SLAIN2: variants seen among roughly 807,000 people sequenced by gnomAD.
The protein encoded by SLAIN2 is SLAIN family member 2.
SLAIN2 carries 31 observed loss-of-function variants against 56.6 expected under a neutral mutation model. The observed-to-expected ratio is 0.55, with a 90% CI of 0.41 to 0.74. SLAIN2 has a LOEUF of 0.74. SLAIN2 is among the 30% of genes least tolerant of loss of function. SLAIN2 has a pLI of 0.00. For missense variants in SLAIN2, 777 were observed against 754.2 expected (o/e 1.03, Z -0.35); for synonymous variants, 317 against 284.9 (o/e 1.11, Z -1.13).
chr4:48,353,794 G>C (rs1715080659), intron 1 of SLAIN2, among the ~76,000 whole-genome samples: 1 of 152,156 alleles, frequency 6.6e-6, no homozygotes, highest in African/African-American at 2.4e-5. Context: ...GGAGAAAACA[G>C]TTAAGATTAT....
Position 48,420,395 on chromosome 4 carries a change from C to T in SLAIN2, c.1631C>T (p.Ala544Val), listed in dbSNP as rs1717117732. 1 of 1,614,004 alleles carries T rather than the reference C, an allele frequency of 6.2e-7. No homozygotes were observed. Among genetic ancestry groups the T allele is most frequent in the Admixed American group, 1.7e-5 (1 of 60,026 alleles). ...SGLPRPSAPS[A>V]GGIPVPRSKL... is the part of the protein sequence containing the mutation. ...TTGCCCAGACCCAGTGCCCCTTCTGCTGGGGGCATACCAGTGCCTCGCAGC... is the reference window on the plus strand; with the variant it reads ...TTGCCCAGACCCAGTGCCCCTTCTGTTGGGGGCATACCAGTGCCTCGCAGC... Residue 544 changes from alanine to valine, a missense_variant, in exon 7 of 8, where the codon GCT becomes GTT. Coordinates refer to ENST00000264313, the MANE Select transcript of SLAIN2 (RefSeq NM_020846.2).
In SLAIN2 at chr4:48,379,716, C is replaced by A; in HGVS notation, c.730C>A (p.Pro244Thr). The A allele has an allele frequency of 6.8e-7, 1 of 1,465,206 alleles. No homozygotes were observed. Among genetic ancestry groups the A allele is most frequent in the Non-Finnish European group, 9.0e-7 (1 of 1,108,868 alleles). 90.8% of individuals were successfully genotyped at this position (1,465,206 alleles called of 1,614,324 possible). A position where few individuals can be genotyped will look rare whatever the true frequency, so the allele number is the denominator to read the frequency against. The change falls in exon 4 of 8, where the codon CCT becomes ACT. Residue 244 changes from proline to threonine, a missense_variant. Physicochemically the swap from Pro to Thr is conservative, Grantham distance 38. Transcript: ENST00000264313. ...SGNLKSSDRN[P>T]PLSPQSSIDS... ...TAACTTGAAAAGCTCAGACAGAAAT[C>A]CTCCACTCAGTCCTCAGTCCTCTAT...
In SLAIN2 at chr4:48,396,798, C is replaced by T. The variant is rs528982445; in HGVS notation, c.1360+13014C>T. ...GATCATGGGAGGAGGAAAAAGATTA[C>T]TTAACAATTGGAAATATAGTCACTT... On this transcript the variant is annotated intron_variant, in intron 6 of 7. Coordinates refer to ENST00000264313, the MANE Select transcript of SLAIN2 (RefSeq NM_020846.2). Among the ~76,000 whole-genome samples the T allele has an allele frequency of 3.2e-4, 48 of 152,232 alleles. 1 individual carries two copies. The South Asian group carries it at 9.7e-3, about 31-fold the overall frequency.
Position 48,412,837 on chromosome 4 carries a change from A to G in SLAIN2, c.1361-7288A>G, listed in dbSNP as rs909782147. Among the ~76,000 whole-genome samples the G allele has an allele frequency of 2.6e-5, 4 of 152,158 alleles. No homozygotes were observed. In the East Asian group the frequency reaches 7.7e-4, roughly 29 times the overall value. On this transcript the variant is annotated intron_variant, in intron 6 of 7. Transcript: ENST00000264313. Reference sequence around the variant, plus strand: ...TTATGGTTACTTGTCAGCAATTGCCATTTTTATATGCTTTGGAGTCATACC... The same window carrying G: ...TTATGGTTACTTGTCAGCAATTGCCGTTTTTATATGCTTTGGAGTCATACC...
At chr4:48,407,000 A>T (rs1017210302) in intron 6 of SLAIN2, among the ~76,000 whole-genome samples, 1 of 152,108 alleles carries the variant, frequency 6.6e-6, no homozygotes, top group African/African-American at 2.4e-5. Flanking sequence ...TGATTTTCCC[A>T]GATTCGGGGT....
Position 48,420,289 on chromosome 4 carries a change from A to ACAGTCT in SLAIN2, c.1529_1534dup (p.Val510_Ser511dup). 6.2e-7 allele frequency: 1 copy of ACAGTCT among 1,613,974 alleles called. No individual in the cohort carries two copies. Among genetic ancestry groups the ACAGTCT allele is most frequent in the East Asian group, 2.2e-5 (1 of 44,874 alleles). ...ACCTGGGCCTCCTATGGTTCAGAGCACAGTCTCAGCAAATCCTCCCAGCAA... is the reference window on the plus strand; with the variant it reads ...ACCTGGGCCTCCTATGGTTCAGAGCACAGTCTCAGTCTCAGCAAATCCTCCCAGCAA... On this transcript the variant is annotated inframe_insertion, in exon 7 of 8. Coordinates refer to ENST00000264313, the MANE Select transcript of SLAIN2 (RefSeq NM_020846.2).
Position 48,369,974 on chromosome 4 carries a change from A to T in SLAIN2, c.515A>T (p.His172Leu). ...GAGTGTGCTAAAAAATCTCTTATCC[A>T]CAAACTTGATCAAACTATGTCAGGT... ...DVECAKKSLI[H>L]KLDQTMSALK... Residue 172 changes from histidine to leucine, a missense_variant, in exon 2 of 8, where the codon CAC becomes CTC. His to Leu is a moderately conservative substitution (Grantham distance 99, BLOSUM62 -3). Transcript: ENST00000264313. 3.1e-6 allele frequency: 5 copies of T among 1,613,690 alleles called. No individual in the cohort carries two copies. Among genetic ancestry groups the T allele is most frequent in the Non-Finnish European group, 4.2e-6 (5 of 1,179,688 alleles).
At chr4:48,361,786 T>A (rs918475754) in intron 1 of SLAIN2, among the ~76,000 whole-genome samples, 3 of 151,752 alleles carry the variant, frequency 2.0e-5, no homozygotes, top group Non-Finnish European at 4.4e-5. Context: ...TTGTCAGTCT[T>A]ATGTTCAGAT....
At chr4:48,354,498 G>T (rs376006693) in intron 1 of SLAIN2, among the ~76,000 whole-genome samples, 20 of 151,692 alleles carry the variant, frequency 1.3e-4, no homozygotes, top group African/African-American at 4.4e-4. Context: ...GCTGAGTCTC[G>T]CTGTGTTGCC....
intron 6 of SLAIN2, among the ~76,000 whole-genome samples, chr4:48,386,062 C>G (rs1282581250): frequency 7.3e-6 from 1 of 136,606 alleles, no homozygotes; most frequent in African/African-American, 2.7e-5. Flanking sequence ...GAGCCATGAT[C>G]ATGCTGCTGC....
Position 48,341,614 on chromosome 4 carries a change from C to T in SLAIN2, c.-126C>T. The T allele has an allele frequency of 7.3e-7, 1 of 1,373,004 alleles. No individual in the cohort carries two copies. The highest frequency in any genetic ancestry group is 3.0e-5 in the East Asian group (1 of 32,958). The allele number at this position is 1,373,004 out of a possible 1,614,324, so 85.1% of individuals were successfully genotyped here. ...AGGTGGGGGGACCCTGGCGGTGGGG[C>T]CTGGTCCTGCTATATGCCGGCGCCT... On this transcript the variant is annotated 5_prime_UTR_variant, in exon 1 of 8. Transcript: ENST00000264313.
Position 48,342,105 on chromosome 4 carries a change from C to A in SLAIN2, c.366C>A (p.Gly122=). ...CCGACGAGCTGGAGCGCCTGTCAGG[C>A]TGGGAGGAGGAGGAGGAGAGCTGGT... ...LRPDELERLS[G]WEEEEESWLY... is the part of the protein sequence containing the mutation. The change falls in exon 1 of 8, where the codon GGC becomes GGA. Residue 122 remains glycine (G), a synonymous_variant. Transcript: ENST00000264313. The A allele has an allele frequency of 7.3e-7, 1 of 1,365,386 alleles. No homozygotes were observed. Among genetic ancestry groups the A allele is most frequent in the Non-Finnish European group, 9.4e-7 (1 of 1,066,384 alleles). 84.6% of individuals were successfully genotyped at this position (1,365,386 alleles called of 1,614,324 possible).
intron 6 of SLAIN2, among the ~76,000 whole-genome samples, chr4:48,408,331 A>G (rs1560464756): frequency 6.6e-6 from 1 of 152,068 alleles, no homozygotes; most frequent in Non-Finnish European, 1.5e-5. Context: ...CCCTATCTCA[A>G]AAAATCTAAA....
intron 6 of SLAIN2, among the ~76,000 whole-genome samples, chr4:48,397,148 C>A (rs1479401438): frequency 6.6e-6 from 1 of 152,126 alleles, no homozygotes; most frequent in East Asian, 1.9e-4. Flanking sequence ...AGAGACCTCA[C>A]CAAGCCAGCG....
In SLAIN2 at chr4:48,422,022, C is replaced by T. The variant is rs1020685191; in HGVS notation, c.1691C>T (p.Ala564Val). 1.9e-6 allele frequency: 3 copies of T among 1,609,172 alleles called. No homozygotes were observed. Among genetic ancestry groups the T allele is most frequent in the Non-Finnish European group, 2.5e-6 (3 of 1,177,774 alleles). Reference sequence around the variant, plus strand: ...TTGCTTTATTACAGATCCTTGCCAGCTCCTAAAACCTATGGTAGCATGAAA... The same window carrying T: ...TTGCTTTATTACAGATCCTTGCCAGTTCCTAAAACCTATGGTAGCATGAAA... Reference protein sequence around the residue: ...LAQPVRRSLPAPKTYGSMKDD... With the variant: ...LAQPVRRSLPVPKTYGSMKDD... Residue 564 changes from alanine to valine, a missense_variant, in exon 8 of 8, where the codon GCT becomes GTT. Transcript: ENST00000264313.
At position 48,425,454 on chromosome 4, in the gene SLAIN2, C is replaced by T. The variant is rs1008214408; in HGVS notation, c.*3377C>T. 6.6e-6 allele frequency: 1 copy of T among 151,952 alleles called. No individual in the cohort carries two copies. The highest frequency in any genetic ancestry group is 2.4e-5 in the African/African-American group (1 of 41,364). The allele number at this position is 151,952 out of a possible 1,614,324, so 9.4% of individuals were successfully genotyped here. On this transcript the variant is annotated 3_prime_UTR_variant, in exon 8 of 8. Coordinates refer to ENST00000264313, the MANE Select transcript of SLAIN2 (RefSeq NM_020846.2). The stretch of plus-strand genomic sequence containing the variant: ...ATTTAGGTGATCACGTGCATCTTTT[C>T]TTGTATGGATGGAAAAATCAAGAAT...
chr4:48,405,387 C>T (rs1430674821), intron 6 of SLAIN2, among the ~76,000 whole-genome samples: 2 of 152,094 alleles, frequency 1.3e-5, no homozygotes, highest in Non-Finnish European at 2.9e-5. Context: ...TTAAGTTTCT[C>T]TTACTTTATC....
intron 1 of SLAIN2, among the ~76,000 whole-genome samples, chr4:48,364,880 G>A (rs1366895203): frequency 7.6e-6 from 1 of 131,198 alleles, no homozygotes; most frequent in Admixed American, 7.8e-5. Flanking sequence ...GAGAGGGAGG[G>A]GGAGGGGGAG....
In SLAIN2 at chr4:48,383,745, A is replaced by G; in HGVS notation, c.1321A>G (p.Asn441Asp). Residue 441 changes from asparagine to aspartate, a missense_variant, in exon 6 of 8, where the codon AAC (asparagine) becomes GAC (aspartate). Transcript: ENST00000264313. ...AAGTGACTCAAATTTTCAAGTGCCAAACGGAGGAATACCTCGTATGCAACC... is the reference window on the plus strand; with the variant it reads ...AAGTGACTCAAATTTTCAAGTGCCAGACGGAGGAATACCTCGTATGCAACC... ...SRSDSNFQVP[N>D]GGIPRMQPQA... is the part of the protein sequence containing the mutation. 1 of 1,612,278 alleles carries G rather than the reference A, an allele frequency of 6.2e-7. No individual in the cohort carries two copies. The highest frequency in any genetic ancestry group is 8.5e-7 in the Non-Finnish European group (1 of 1,178,880).
Sources: gnomAD v4.1 joint callset for allele counts (sites outside exome capture counted in the v4.1 genomes callset) on GRCh38, gnomAD v4.1.1 for gene constraint, MANE v1.5 for transcripts, NCBI Gene and HGNC (gene_info 2026-07-23, HGNC 2026-07-21) for gene names.